Variants in NEURL1B observed in about 807,000 individuals in gnomAD.
The protein encoded by NEURL1B is E3 ubiquitin-protein ligase NEURL1B.
In NEURL1B, 13 loss-of-function variants were observed where a neutral mutation model predicts 37.4. The observed-to-expected ratio is 0.35, with a 90% CI of 0.23 to 0.55. The LOEUF (loss-of-function observed/expected upper bound fraction) is 0.55, where lower values mean the gene tolerates loss of function less well. Ranked by LOEUF, NEURL1B falls within the 20% of genes least tolerant of loss-of-function variation. The probability of loss-of-function intolerance (pLI) is 0.89; values close to 1 mark genes in which losing one functional copy is unlikely to be tolerated. For synonymous variants in NEURL1B, 432 were observed against 426.6 expected (o/e 1.01, Z -0.16); for missense variants, 790 against 879.2 (o/e 0.90, Z 1.28).
Position 172,683,669 on chromosome 5 carries a change from G to A in NEURL1B, c.828G>A (p.Leu276=), listed in dbSNP as rs1048067182. Residue 276 remains leucine (L), a synonymous_variant, in exon 3 of 5, where the codon CTG becomes CTA. Coordinates refer to ENST00000369800, the MANE Select transcript of NEURL1B (RefSeq NM_001142651.3). The surrounding 1 kb of genome is among the most constrained non-coding windows in gnomAD (Gnocchi z 5.6). ...GGCCCGCGTCGTCGCCGGCGCTACT[G>A]GAGGCCGACCTGCGCTTCCACGCAA... is the stretch of plus-strand genomic sequence containing the variant. ...RPRPASSPAL[L]EADLRFHATR... is the part of the protein sequence containing the mutation. The A allele has an allele frequency of 2.8e-5, 37 of 1,311,510 alleles. No individual in the cohort carries two copies. The highest frequency in any genetic ancestry group is 3.5e-5 in the Non-Finnish European group (36 of 1,021,800). The allele number at this position is 1,311,510 out of a possible 1,614,324, so 81.2% of individuals were successfully genotyped here. A position where few individuals can be genotyped will look rare whatever the true frequency, so the allele number is the denominator to read the frequency against.
At chr5:172,663,186 C>T (rs1042658187) in intron 1 of NEURL1B, among the ~76,000 whole-genome samples, 3 of 151,758 alleles carry the variant, frequency 2.0e-5, no homozygotes, top group African/African-American at 7.3e-5. Context: ...TGTACTCAGC[C>T]TGGGAGACAG....
intron 1 of NEURL1B, among the ~76,000 whole-genome samples, chr5:172,655,424 T>C (rs1188071286): frequency 2.0e-5 from 3 of 152,104 alleles, no homozygotes; most frequent in Non-Finnish European, 4.4e-5. Context: ...AAGGGAGAAT[T>C]AGGCCCCTCT....
At position 172,675,947 on chromosome 5, in the gene NEURL1B, C is replaced by T. The variant is rs747676410; in HGVS notation, c.577+5617C>T. On this transcript the variant is annotated intron_variant, in intron 2 of 4. Transcript: ENST00000369800. The surrounding 1 kb of genome is among the most constrained non-coding windows in gnomAD (Gnocchi z 4.7). ...TGGAGGTCCTCGAGTTCAGGCCAGG[C>T]CCTGTGCTTTTTTGAGGCAGCCCTG... 5.6e-4 allele frequency among the ~76,000 whole-genome samples: 86 copies of T among 152,250 alleles called. 1 individual carries two copies. The highest frequency in any genetic ancestry group is 3.4e-3 in the Admixed American group (52 of 15,294).
intron 1 of NEURL1B, among the ~76,000 whole-genome samples, chr5:172,659,597 A>AT (rs1300817164): frequency 6.6e-6 from 1 of 152,060 alleles, no homozygotes; most frequent in African/African-American, 2.4e-5. Flanking sequence ...TTTCAATCTC[A>AT]TTTTTCAGAG....
chr5:172,673,891 C>T (rs141034723), intron 2 of NEURL1B, among the ~76,000 whole-genome samples: 10,712 of 151,596 alleles, frequency 0.071, 432 homozygotes, highest in African/African-American at 0.1. Context: ...GTAATCCCAG[C>T]ACTTTGGGAG....
At chr5:172,684,334 G>T (rs1244309129) in intron 3 of NEURL1B, among the ~76,000 whole-genome samples, 196 bp downstream of exon 3, 1 of 152,086 alleles carries the variant, frequency 6.6e-6, no homozygotes, top group Non-Finnish European at 1.5e-5. Context: ...CCAGAGTTCC[G>T]GATTCAGTGG....
chr5:172,646,629 G>T (rs1411299070), intron 1 of NEURL1B, among the ~76,000 whole-genome samples: 1 of 152,190 alleles, frequency 6.6e-6, no homozygotes, highest in South Asian at 2.1e-4. Flanking sequence ...CACAGCCTGG[G>T]TTTAAGGACT....
Position 172,656,059 on chromosome 5 carries a change from C to T in NEURL1B, c.32-13726C>T, listed in dbSNP as rs6861901. The stretch of plus-strand genomic sequence containing the variant: ...GAGGGGAAGGGGTTCTTATCCCTGA[C>T]GCATGTGGCCCCTGCTGCTGTGTCG... On this transcript the variant is annotated intron_variant, in intron 1 of 4. Coordinates refer to ENST00000369800, the MANE Select transcript of NEURL1B (RefSeq NM_001142651.3). 2.2e-3 allele frequency among the ~76,000 whole-genome samples: 336 copies of T among 152,290 alleles called. 2 individuals carry two copies. Among genetic ancestry groups the T allele is most frequent in the African/African-American group, 7.5e-3 (313 of 41,544 alleles).
intron 3 of NEURL1B, among the ~76,000 whole-genome samples, chr5:172,684,777 G>A (rs1246514068): frequency 6.6e-6 from 1 of 152,188 alleles, no homozygotes; most frequent in Non-Finnish European, 1.5e-5. Flanking sequence ...CTCCATGCCG[G>A]TTAGGAGCTC....
chr5:172,645,588 T>C (rs548835749), intron 1 of NEURL1B, among the ~76,000 whole-genome samples: 4 of 152,254 alleles, frequency 2.6e-5, no homozygotes, highest in Non-Finnish European at 5.9e-5. Flanking sequence ...TGGAGTGATA[T>C]TGCCTCTTCT....
rs201123283 is a variant in NEURL1B at position 172,680,615 on chromosome 5, TTA to T, written c.578-2802_578-2801del. Among the ~76,000 whole-genome samples, 855 of 152,272 alleles carry T rather than the reference TTA, an allele frequency of 5.6e-3. 11 individuals carry two copies. The highest frequency in any genetic ancestry group is 0.02 in the African/African-American group (827 of 41,544). ...CTTTTTTCTGATTATAAAAATCAAT[TTA>T]TGTTCATTAGAGAAAAAGAGAAAAC... On this transcript the variant is annotated intron_variant, in intron 2 of 4. Transcript: ENST00000369800.
intron 2 of NEURL1B, among the ~76,000 whole-genome samples, chr5:172,682,365 A>C (rs1377869395): frequency 1.3e-5 from 2 of 152,206 alleles, no homozygotes; most frequent in Non-Finnish European, 2.9e-5. Flanking sequence ...ACTTGAGGTC[A>C]GGAGTTCAGG....
Position 172,682,345 on chromosome 5 carries a change from T to C in NEURL1B, c.578-1074T>C, listed in dbSNP as rs550141651. Among the ~76,000 whole-genome samples the C allele has an allele frequency of 3.4e-3, 515 of 152,246 alleles. 1 individual carries two copies. The highest frequency in any genetic ancestry group is 5.5e-3 in the Non-Finnish European group (376 of 67,994). ...ATCCCAGCACTTTGGGAGGCCAAGG[T>C]GGGCAGATCACTTGAGGTCAGGAGT... On this transcript the variant is annotated intron_variant, in intron 2 of 4. Transcript: ENST00000369800.
rs1015515364 is a variant in NEURL1B at position 172,657,456 on chromosome 5, A to C, written c.32-12329A>C. 6.6e-6 allele frequency among the ~76,000 whole-genome samples: 1 copy of C among 152,252 alleles called. No individual in the cohort carries two copies. Among genetic ancestry groups the C allele is most frequent in the African/African-American group, 2.4e-5 (1 of 41,468 alleles). On this transcript the variant is annotated intron_variant, in intron 1 of 4. Coordinates refer to ENST00000369800, the MANE Select transcript of NEURL1B (RefSeq NM_001142651.3). This position sits in a 1 kb window ranked among gnomAD's most constrained non-coding sequence, Gnocchi z 4.0. The stretch of plus-strand genomic sequence containing the variant: ...ATAGAGATGATCATGGACAATTATC[A>C]ATCATTATTATAAACATTATTAATC...
At chr5:172,670,722 C>T (rs185348304) in intron 2 of NEURL1B, among the ~76,000 whole-genome samples, 146 of 152,374 alleles carry the variant, frequency 9.6e-4, no homozygotes, top group African/African-American at 3.1e-3. Context: ...CACTCATTCA[C>T]TCATTCGCAC....
intron 1 of NEURL1B, among the ~76,000 whole-genome samples, chr5:172,663,025 G>A (rs1028417602): frequency 8.9e-6 from 1 of 112,062 alleles, no homozygotes; most frequent in East Asian, 2.2e-4. Flanking sequence ...CCAGGAGTTC[G>A]AGACCAGCCC....
chr5:172,656,751 A>C, intron 1 of NEURL1B: 1 of 828,128 alleles, frequency 1.2e-6, no homozygotes, highest in South Asian at 1.5e-5. Context: ...TAAGTTTAAA[A>C]GTAGAAGGCA....
chr5:172,681,866 TAA>T lies in NEURL1B; in HGVS notation c.578-1549_578-1548del, dbSNP rs1758359678. 2.6e-5 allele frequency among the ~76,000 whole-genome samples: 4 copies of T among 152,240 alleles called. No individual in the cohort carries two copies. In the South Asian group the frequency reaches 8.3e-4, roughly 32 times the overall value. ...AAATCTTGGCTCAAAGTGGTCTGTT[TAA>T]AAAGTCTAAAACACTTATTTTCCTA... On this transcript the variant is annotated intron_variant, in intron 2 of 4. Coordinates refer to ENST00000369800, the MANE Select transcript of NEURL1B (RefSeq NM_001142651.3).
At chr5:172,646,437 C>G (rs1050242301) in intron 1 of NEURL1B, among the ~76,000 whole-genome samples, 1 of 152,210 alleles carries the variant, frequency 6.6e-6, no homozygotes, top group Non-Finnish European at 1.5e-5. Context: ...CACTCCTTGC[C>G]TTGAAAACCC....
Sources: gnomAD v4.1 joint callset for allele counts (sites outside exome capture counted in the v4.1 genomes callset) on GRCh38, gnomAD v4.1.1 for gene constraint, Gnocchi (gnomAD v3.1) non-coding constraint, MANE v1.5 for transcripts, NCBI Gene and HGNC (gene_info 2026-07-23, HGNC 2026-07-21) for gene names.